Variants in TDG observed in about 807,000 individuals in gnomAD.
TDG encodes thymine DNA glycosylase, also known as G/T mismatch-specific thymine DNA glycosylase.
In TDG, 23 loss-of-function variants were observed where a neutral mutation model predicts 46.1. The ratio of observed to expected loss-of-function variants is 0.50; its 90% CI spans 0.36 to 0.71. TDG has a LOEUF of 0.71. Among genes scored for constraint, TDG ranks in the 30% least tolerant of loss-of-function variants. The pLI, the probability that TDG is intolerant of heterozygous loss-of-function variation, is 0.00. For missense variants in TDG, 304 were observed against 486.7 expected (o/e 0.62, Z 3.53); for synonymous variants, 115 against 161.3 (o/e 0.71, Z 2.18).
intron 2 of TDG, among the ~76,000 whole-genome samples, chr12:103,979,205 C>T (rs914224408): frequency 7.6e-5 from 11 of 144,204 alleles, no homozygotes; most frequent in Admixed American, 2.3e-4. Context: ...TGGGTTCAAG[C>T]AATTCTCCTG....
chr12:103,968,050 G>A (rs1040714078), intron 1 of TDG: 1 of 143,416 alleles, frequency 7.0e-6, no homozygotes, highest in African/African-American at 2.5e-5. Flanking sequence ...GGCGGGTCTT[G>A]AACTCCTGGC....
At chr12:103,983,512 A>G (rs1038972690) in intron 7 of TDG, 123 bp downstream of exon 7, 5 of 609,766 alleles carry the variant, frequency 8.2e-6, no homozygotes, top group Non-Finnish European at 1.4e-5. Flanking sequence ...ATTTTGTTGA[A>G]TAATACCTAT....
At chr12:103,970,371 A>G (rs1356100989) in intron 1 of TDG, among the ~76,000 whole-genome samples, 2 of 152,298 alleles carry the variant, frequency 1.3e-5, no homozygotes, top group Non-Finnish European at 2.9e-5. Context: ...CCAGCTGCTC[A>G]GGAGACTGAG....
chr12:103,987,204 A>G lies in TDG; in HGVS notation c.*114A>G. ...ATTAGTATTTTACTCTAGTGGTGTAATTGTAATGTAGAACAGTTGTGTGGT... is the reference window on the plus strand; with the variant it reads ...ATTAGTATTTTACTCTAGTGGTGTAGTTGTAATGTAGAACAGTTGTGTGGT... On this transcript the variant is annotated 3_prime_UTR_variant, in exon 10 of 10. Coordinates refer to ENST00000392872, the MANE Select transcript of TDG (RefSeq NM_003211.6). 1.4e-6 allele frequency: 2 copies of G among 1,450,498 alleles called. No individual in the cohort carries two copies. Among genetic ancestry groups the G allele is most frequent in the African/African-American group, 1.4e-5 (1 of 72,476 alleles). 89.9% of individuals were successfully genotyped at this position (1,450,498 alleles called of 1,614,324 possible).
chr12:103,966,574 C>G (rs1008504717), intron 1 of TDG, among the ~76,000 whole-genome samples: 21 of 152,136 alleles, frequency 1.4e-4, no homozygotes, highest in African/African-American at 5.1e-4. Flanking sequence ...TATACACTCT[C>G]GAGTAGTCAA....
chr12:103,966,128 C>A (rs1032914771), intron 1 of TDG, 68 bp downstream of exon 1: 15 of 1,413,480 alleles, frequency 1.1e-5, no homozygotes, highest in Admixed American at 3.1e-5. Flanking sequence ...CTGGCGCGCG[C>A]GCGCGCACGC....
chr12:103,976,408 CCACACACACA>C (rs144717913), intron 1 of TDG, among the ~76,000 whole-genome samples: 10 of 147,448 alleles, frequency 6.8e-5, no homozygotes, highest in East Asian at 2.0e-4. Flanking sequence ...CCCTGTCTCC[CCACACACACA>C]CACACACACA....
At chr12:103,986,719 A>G (rs1566185181) in intron 9 of TDG, 1 of 305,912 alleles carries the variant, frequency 3.3e-6, no homozygotes, top group South Asian at 6.1e-5. Flanking sequence ...TCTCAAAAAG[A>G]AAAAAAAAAA....
chr12:103,983,436 T>C, intron 7 of TDG, 47 bp downstream of exon 7: 1 of 1,389,150 alleles, frequency 7.2e-7, no homozygotes, highest in African/African-American at 1.5e-5. Flanking sequence ...TGTGAATTTT[T>C]TTCTAGATAA....
At chr12:103,985,330 C>T (rs2136243942) in intron 8 of TDG, among the ~76,000 whole-genome samples, 1 of 152,210 alleles carries the variant, frequency 6.6e-6, no homozygotes, top group Non-Finnish European at 1.5e-5. Flanking sequence ...AAGGTCTTCC[C>T]TCTACTCTGG....
Position 103,988,320 on chromosome 12 carries a change from AC to A in TDG, c.*1235del, listed in dbSNP as rs1211159580. 1 of 152,636 alleles carries A rather than the reference AC, an allele frequency of 6.6e-6. No homozygotes were observed. Among genetic ancestry groups the A allele is most frequent in the Non-Finnish European group, 1.5e-5 (1 of 68,028 alleles). 9.5% of individuals were successfully genotyped at this position (152,636 alleles called of 1,614,324 possible). On this transcript the variant is annotated 3_prime_UTR_variant, in exon 10 of 10. Transcript: ENST00000392872. ...ATAAAATATTTATGAGGTCTCCCCC[AC>A]CCCCAGGAGGTTATATGATTGCTCT...
At chr12:103,966,703 T>G (rs1370182695) in intron 1 of TDG, among the ~76,000 whole-genome samples, 1 of 152,162 alleles carries the variant, frequency 6.6e-6, no homozygotes, top group African/African-American at 2.4e-5. Flanking sequence ...TTTAGGGACT[T>G]GAACTCCTGG....
chr12:103,985,752 T>G, intron 9 of TDG, 24 bp downstream of exon 9: 1 of 1,373,266 alleles, frequency 7.3e-7, no homozygotes. Flanking sequence ...CACATGTGTA[T>G]TCCTTTCAAA....
chr12:103,973,844 G>A (rs932329611), intron 1 of TDG, among the ~76,000 whole-genome samples: 5 of 152,160 alleles, frequency 3.3e-5, no homozygotes, highest in Middle Eastern at 3.4e-3. Flanking sequence ...TTTTACATAA[G>A]ATAAATAAAC....
chr12:103,980,843 G>A, intron 3 of TDG, 50 bp from the exon 4 acceptor site: 1 of 1,570,342 alleles, frequency 6.4e-7, no homozygotes, highest in Non-Finnish European at 8.7e-7. Context: ...AAACGCTAAG[G>A]CTTAGGTCCT....
Position 103,988,497 on chromosome 12 carries a change from C to T in TDG, c.*1407C>T, listed in dbSNP as rs1872310816. The T allele has an allele frequency of 2.0e-5, 3 of 152,882 alleles. No individual in the cohort carries two copies. Among genetic ancestry groups the T allele is most frequent in the South Asian group, 2.1e-4 (1 of 4,834 alleles). The allele number at this position is 152,882 out of a possible 1,614,324, so 9.5% of individuals were successfully genotyped here. A position where few individuals can be genotyped will look rare whatever the true frequency, so the allele number is the denominator to read the frequency against. ...TGTACTGTACTGCTGTTTACATGGACGTTTTGTGCGGGTGCTTTGAAGTGC... is the reference window on the plus strand; with the variant it reads ...TGTACTGTACTGCTGTTTACATGGATGTTTTGTGCGGGTGCTTTGAAGTGC... On this transcript the variant is annotated 3_prime_UTR_variant, in exon 10 of 10. Coordinates refer to ENST00000392872, the MANE Select transcript of TDG (RefSeq NM_003211.6).
At chr12:103,984,697 G>A in intron 7 of TDG, 52 bp from the exon 8 acceptor site, 3 of 1,338,932 alleles carry the variant, frequency 2.2e-6, no homozygotes, top group South Asian at 2.0e-5. Flanking sequence ...CTCAATGAGT[G>A]AATTCAATAG....
At chr12:103,975,867 G>A (rs1253508312) in intron 1 of TDG, among the ~76,000 whole-genome samples, 1 of 148,360 alleles carries the variant, frequency 6.7e-6, no homozygotes, top group African/African-American at 2.5e-5. Context: ...TTGCCATGTT[G>A]GTCAGGCTGG....
chr12:103,985,014 T>C (rs573893181), intron 8 of TDG, 94 bp downstream of exon 8: 103 of 1,008,664 alleles, frequency 1.0e-4, no homozygotes, highest in Middle Eastern at 5.8e-4. Flanking sequence ...TATATACATA[T>C]ACACATATAC....
Sources: gnomAD v4.1 joint callset for allele counts (sites outside exome capture counted in the v4.1 genomes callset) on GRCh38, gnomAD v4.1.1 for gene constraint, MANE v1.5 for transcripts, NCBI Gene and HGNC (gene_info 2026-07-23, HGNC 2026-07-21) for gene names.